Variants in DTHD1 observed in about 807,000 individuals in gnomAD.
The protein encoded by DTHD1 is death domain-containing protein 1.
Under a neutral mutation model 74.8 loss-of-function variants are expected in DTHD1, and 59 were observed. That is an observed-to-expected ratio of 0.79 (90% confidence interval 0.64 to 0.98). DTHD1 has a LOEUF of 0.98. DTHD1 is among the 50% of genes least tolerant of loss of function. The probability of loss-of-function intolerance (pLI) is 0.00; values close to 1 mark genes in which losing one functional copy is unlikely to be tolerated. For synonymous variants in DTHD1, 365 were observed against 371.1 expected, an observed-to-expected ratio of 0.98 and a Z score of 0.19; for missense variants, 1,051 against 1,065.4, an observed-to-expected ratio of 0.99 and a Z score of 0.19.
intron 8 of DTHD1, among the ~76,000 whole-genome samples, chr4:36,318,458 G>T (rs1350108916): frequency 6.6e-6 from 1 of 152,168 alleles, no homozygotes; most frequent in African/African-American, 2.4e-5. Flanking sequence ...TTTACTTGCT[G>T]TTTTGGGGGA....
intron 6 of DTHD1, among the ~76,000 whole-genome samples, chr4:36,307,411 T>C (rs1404772587): frequency 1.3e-5 from 2 of 152,224 alleles, no homozygotes; most frequent in Non-Finnish European, 2.9e-5. Flanking sequence ...TGCATTTCTA[T>C]GTGTTAAAAT....
chr4:36,297,929 T>TGCAC (rs1482329055), intron 5 of DTHD1, among the ~76,000 whole-genome samples: 1 of 142,904 alleles, frequency 7.0e-6, no homozygotes, highest in Non-Finnish European at 1.6e-5. Context: ...TGTGTGTGTG[T>TGCAC]GTGTGCACGT....
intron 9 of DTHD1, among the ~76,000 whole-genome samples, chr4:36,341,639 A>G (rs1461563429): frequency 6.6e-6 from 1 of 152,254 alleles, no homozygotes; most frequent in Non-Finnish European, 1.5e-5. Context: ...CACATTCAAC[A>G]TATTTTCCTA....
intron 5 of DTHD1, among the ~76,000 whole-genome samples, chr4:36,305,735 C>G (rs1757005709): frequency 6.6e-6 from 1 of 152,136 alleles, no homozygotes; most frequent in Non-Finnish European, 1.5e-5. Context: ...TGGGTGTGTG[C>G]TCTTCCCTTT....
intron 9 of DTHD1, among the ~76,000 whole-genome samples, chr4:36,342,092 G>A (rs1321127726): frequency 6.6e-6 from 1 of 152,198 alleles, no homozygotes; most frequent in Non-Finnish European, 1.5e-5. Context: ...ACTGGGGTCG[G>A]AGGTGTGAAT....
chr4:36,337,304 A>C (rs547849977), intron 8 of DTHD1, among the ~76,000 whole-genome samples: 1 of 152,254 alleles, frequency 6.6e-6, no homozygotes, highest in South Asian at 2.1e-4. Context: ...ACCCCAATTC[A>C]CTGCTTCTAT....
At chr4:36,289,744 G>A (rs1307017907) in intron 2 of DTHD1, among the ~76,000 whole-genome samples, 1 of 151,952 alleles carries the variant, frequency 6.6e-6, no homozygotes, top group Non-Finnish European at 1.5e-5. Context: ...CAAATTTGAT[G>A]GTTAAAAAAG....
Position 36,308,375 on chromosome 4 carries a change from G to C in DTHD1, c.1977G>C (p.Gln659His). 6.4e-7 allele frequency: 1 copy of C among 1,551,792 alleles called. No homozygotes were observed. The highest frequency in any genetic ancestry group is 8.7e-7 in the Non-Finnish European group (1 of 1,147,012). ...TGGTGCCTTCCAAAGATTTAAGCCA[G>C]GTGCTTAAGGACCTGCACTTGGAAG... ...VLVVPSKDLS[Q>H]VLKDLHLEGF... The change falls in exon 7 of 10, where the codon CAG becomes CAC. Residue 659 changes from glutamine (Q) to histidine (H), a missense_variant. Physicochemically the swap from Gln to His is conservative, Grantham distance 24 (BLOSUM62 0). Transcript: ENST00000639862.
intron 8 of DTHD1, among the ~76,000 whole-genome samples, chr4:36,320,400 G>C (rs1361478762): frequency 6.6e-6 from 1 of 152,208 alleles, no homozygotes; most frequent in Non-Finnish European, 1.5e-5. Flanking sequence ...AGATGAACAA[G>C]ATAATCTCTG....
At chr4:36,299,497 C>T (rs532808440) in intron 5 of DTHD1, among the ~76,000 whole-genome samples, 20 of 152,270 alleles carry the variant, frequency 1.3e-4, no homozygotes, top group African/African-American at 4.6e-4. Context: ...TGTCTAGATA[C>T]AAATTTTAAA....
chr4:36,314,274 C>A (rs1461516942), intron 7 of DTHD1, among the ~76,000 whole-genome samples: 1 of 152,068 alleles, frequency 6.6e-6, no homozygotes, highest in African/African-American at 2.4e-5. Context: ...TCACTGAAGT[C>A]TTTGTTCACT....
chr4:36,335,781 A>G (rs1758977317), intron 8 of DTHD1, among the ~76,000 whole-genome samples: 1 of 152,230 alleles, frequency 6.6e-6, no homozygotes, highest in African/African-American at 2.4e-5. Flanking sequence ...TTGCACACAA[A>G]AGATCAAACT....
chr4:36,282,461 T>C (rs1367372072), intron 1 of DTHD1, among the ~76,000 whole-genome samples: 1 of 152,182 alleles, frequency 6.6e-6, no homozygotes, highest in Non-Finnish European at 1.5e-5. Context: ...GAATATAGTA[T>C]TCTATCTCTA....
At chr4:36,295,170 A>T in intron 5 of DTHD1, 131 bp downstream of exon 5, 1 of 1,160,772 alleles carries the variant, frequency 8.6e-7, no homozygotes, top group Non-Finnish European at 1.1e-6. Context: ...TAATCTAGAA[A>T]GAAGATATTG....
At chr4:36,300,973 G>A (rs184674775) in intron 5 of DTHD1, among the ~76,000 whole-genome samples, 79 of 152,288 alleles carry the variant, frequency 5.2e-4, no homozygotes, top group African/African-American at 1.9e-3. Context: ...GGAATGCCAA[G>A]TGAGAAATAA....
chr4:36,293,783 G>T, intron 4 of DTHD1, 78 bp downstream of exon 4: 2 of 1,222,990 alleles, frequency 1.6e-6, no homozygotes, highest in Non-Finnish European at 2.2e-6. Flanking sequence ...CAACAAAGAA[G>T]GTATCAATAT....
At chr4:36,288,887 A>G (rs1378134676) in intron 2 of DTHD1, among the ~76,000 whole-genome samples, 3 of 152,186 alleles carry the variant, frequency 2.0e-5, no homozygotes, top group Non-Finnish European at 4.4e-5. Flanking sequence ...GGGTCACTGT[A>G]TCCTCTATTA....
In DTHD1 at chr4:36,290,787, T is replaced by C. The variant is rs1324405032; in HGVS notation, c.1218+84T>C. 3.7e-6 allele frequency: 4 copies of C among 1,091,534 alleles called. No individual in the cohort carries two copies. In the African/African-American group the frequency reaches 6.4e-5, roughly 17 times the overall value. 67.6% of individuals were successfully genotyped at this position (1,091,534 alleles called of 1,614,324 possible). On this transcript the variant is annotated intron_variant, in intron 3 of 9. Transcript: ENST00000639862. ...TCAGACTAACAGATTGTAGTGTAGA[T>C]ATAATTGCTCCACTAGTAATAAATG...
At chr4:36,285,185 T>C (rs925382574) in intron 2 of DTHD1, among the ~76,000 whole-genome samples, 3 of 152,136 alleles carry the variant, frequency 2.0e-5, no homozygotes, top group African/African-American at 7.2e-5. Flanking sequence ...AGGAAGGAAT[T>C]GAGTAGATAC....
Sources: allele counts gnomAD v4.1 joint callset (sites outside exome capture counted in the v4.1 genomes callset), GRCh38; gene constraint gnomAD v4.1.1; transcripts MANE v1.5; gene names NCBI Gene and HGNC (gene_info 2026-07-23, HGNC 2026-07-21).